Variants in MTMR2 observed in about 807,000 individuals in gnomAD.
MTMR2 encodes the protein phosphatidylinositol-3,5-bisphosphate 3-phosphatase MTMR2.
A neutral mutation model predicts 86.9 loss-of-function variants in MTMR2; 55 were observed. That is an observed-to-expected ratio of 0.63 (90% CI 0.51 to 0.79). The LOEUF (loss-of-function observed/expected upper bound fraction) is 0.79, where lower values mean the gene tolerates loss of function less well. Ranked by LOEUF, MTMR2 falls within the 30% of genes least tolerant of loss-of-function variation. The probability of loss-of-function intolerance (pLI) is 0.00; values close to 1 mark genes in which losing one functional copy is unlikely to be tolerated. For synonymous variants in MTMR2, 241 were observed against 266.8 expected, an observed-to-expected ratio of 0.90 and a Z score of 0.94; for missense variants, 659 against 772.3, an observed-to-expected ratio of 0.85 and a Z score of 1.74.
chr11:95,858,157 T>G (rs1258496374), intron 6 of MTMR2, among the ~76,000 whole-genome samples: 1 of 152,138 alleles, frequency 6.6e-6, no homozygotes, highest in Non-Finnish European at 1.5e-5. Flanking sequence ...AAGCACATAG[T>G]GGGAACTCAG....
chr11:95,869,700 T>A (rs1864778288), intron 2 of MTMR2, among the ~76,000 whole-genome samples: 1 of 152,174 alleles, frequency 6.6e-6, no homozygotes, highest in Non-Finnish European at 1.5e-5. Flanking sequence ...ATTAATGGAA[T>A]AATGTCTACC....
At position 95,834,137 on chromosome 11, in the gene MTMR2, C is replaced by T. The variant is rs981539037; in HGVS notation, c.*1153G>A. On this transcript the variant is annotated 3_prime_UTR_variant, in exon 15 of 15. Coordinates refer to ENST00000346299, the MANE Select transcript of MTMR2 (RefSeq NM_016156.6). ...TCTTTTAATTAAAAGACCAAGGGGA[C>T]AAGAAGCTCCTTTGTTACAGTACAT... 6.6e-6 allele frequency: 1 copy of T among 152,456 alleles called. No homozygotes were observed. Among genetic ancestry groups the T allele is most frequent in the Non-Finnish European group, 1.5e-5 (1 of 67,976 alleles). 9.4% of individuals were successfully genotyped at this position (152,456 alleles called of 1,614,324 possible). A position where few individuals can be genotyped will look rare whatever the true frequency, so the allele number is the denominator to read the frequency against.
chr11:95,889,237 G>A (rs920018786), intron 1 of MTMR2, among the ~76,000 whole-genome samples: 11 of 151,362 alleles, frequency 7.3e-5, no homozygotes, highest in African/African-American at 2.2e-4. Context: ...AGGTTCAAGC[G>A]ATTCTCCTGT....
At chr11:95,902,053 T>C (rs2135582483) in intron 1 of MTMR2, among the ~76,000 whole-genome samples, 2 of 152,274 alleles carry the variant, frequency 1.3e-5, no homozygotes, top group Non-Finnish European at 2.9e-5. Flanking sequence ...TATGATATTA[T>C]CTCATAGAAT....
At chr11:95,860,604 C>T (rs994788501) in intron 5 of MTMR2, among the ~76,000 whole-genome samples, 3 of 152,206 alleles carry the variant, frequency 2.0e-5, no homozygotes, top group African/African-American at 4.8e-5. Flanking sequence ...GAATTATACA[C>T]ATGCTGTTTC....
rs569006287 is a variant in MTMR2, at chr11:95,833,763, C to T, written c.*1527G>A. The T allele has an allele frequency of 2.0e-5, 3 of 152,166 alleles. No individual in the cohort carries two copies. Among genetic ancestry groups the T allele is most frequent in the African/African-American group, 7.2e-5 (3 of 41,526 alleles). 9.4% of individuals were successfully genotyped at this position (152,166 alleles called of 1,614,324 possible). The stretch of plus-strand genomic sequence containing the variant: ...GAGTAGAAAGCTTAATTTTTAATTA[C>T]TGATTTGCTAGCCACTTAAATGCCC... On this transcript the variant is annotated 3_prime_UTR_variant, in exon 15 of 15. Coordinates refer to ENST00000346299, the MANE Select transcript of MTMR2 (RefSeq NM_016156.6).
chr11:95,867,912 G>C (rs182551617), intron 2 of MTMR2, among the ~76,000 whole-genome samples: 25 of 151,814 alleles, frequency 1.6e-4, no homozygotes, highest in African/African-American at 6.0e-4. Context: ...ATAGGCATTT[G>C]TAAAAGCATG....
intron 2 of MTMR2, among the ~76,000 whole-genome samples, chr11:95,885,415 G>A (rs2135542535): frequency 6.6e-6 from 1 of 152,136 alleles, no homozygotes; most frequent in Middle Eastern, 3.4e-3. Flanking sequence ...CTAGAACTGA[G>A]GGAGGAAATA....
intron 2 of MTMR2, among the ~76,000 whole-genome samples, chr11:95,868,602 T>A (rs926925223): frequency 6.6e-6 from 1 of 150,794 alleles, no homozygotes; most frequent in African/African-American, 2.5e-5. Flanking sequence ...AAAAAAATAA[T>A]CAAGAGGAGC....
intron 2 of MTMR2, among the ~76,000 whole-genome samples, chr11:95,869,731 C>A (rs1321391117): frequency 1.3e-5 from 2 of 152,062 alleles, no homozygotes; most frequent in Non-Finnish European, 2.9e-5. Context: ...AAGGAGATGG[C>A]TTGAGAAATA....
rs188679019 is a variant in MTMR2, at chr11:95,843,460, C to T, written c.1386+1493G>A. Among the ~76,000 whole-genome samples the T allele has an allele frequency of 2.8e-3, 420 of 152,218 alleles. 3 individuals are homozygous for T. The highest frequency in any genetic ancestry group is 4.6e-3 in the Non-Finnish European group (310 of 67,984). ...AAATTCATTAACTTGATTTTGGATTCCATATAACAACTAACCTCTAAGAAA... is the reference window on the plus strand; with the variant it reads ...AAATTCATTAACTTGATTTTGGATTTCATATAACAACTAACCTCTAAGAAA... On this transcript the variant is annotated intron_variant, in intron 11 of 14. Transcript: ENST00000346299.
intron 12 of MTMR2, among the ~76,000 whole-genome samples, chr11:95,838,827 G>C (rs1027156931): frequency 4.6e-5 from 7 of 151,968 alleles, no homozygotes; most frequent in African/African-American, 1.7e-4. Flanking sequence ...CCCAAGCCAG[G>C]GGCTTGACTG....
At chr11:95,918,157 A>G (rs555294327) in intron 1 of MTMR2, among the ~76,000 whole-genome samples, 6 of 152,358 alleles carry the variant, frequency 3.9e-5, no homozygotes, top group Admixed American at 2.6e-4. Flanking sequence ...GTTTTAACTA[A>G]TGTTGATTGC....
rs923425383 is a variant in MTMR2, at chr11:95,833,248, C to G, written c.*2042G>C. On this transcript the variant is annotated 3_prime_UTR_variant, in exon 15 of 15. Coordinates refer to ENST00000346299, the MANE Select transcript of MTMR2 (RefSeq NM_016156.6). ...ACGTAAAAGTTGAGGTATGCAGAGA[C>G]TAGGTCGAAGGAGGCTAAGGAGCTT... 4.6e-5 allele frequency: 7 copies of G among 152,044 alleles called. No individual in the cohort carries two copies. Among genetic ancestry groups the G allele is most frequent in the African/African-American group, 2.4e-5 (1 of 41,416 alleles). 9.4% of individuals were successfully genotyped at this position (152,044 alleles called of 1,614,324 possible). A position where few individuals can be genotyped will look rare whatever the true frequency, so the allele number is the denominator to read the frequency against.
intron 12 of MTMR2, among the ~76,000 whole-genome samples, 186 bp downstream of exon 12, chr11:95,841,431 T>C (rs1863541383): frequency 6.6e-6 from 1 of 152,148 alleles, no homozygotes; most frequent in South Asian, 2.1e-4. Context: ...ACTAATAGAA[T>C]CAAATTTTCA....
chr11:95,888,898 GAACA>G (rs1290033044), intron 1 of MTMR2, among the ~76,000 whole-genome samples: 2 of 152,056 alleles, frequency 1.3e-5, no homozygotes, highest in Non-Finnish European at 1.5e-5. Context: ...GAAATTTCAA[GAACA>G]AACAAAAGGC....
At chr11:95,899,687 G>A (rs1259123129) in intron 1 of MTMR2, among the ~76,000 whole-genome samples, 3 of 151,548 alleles carry the variant, frequency 2.0e-5, no homozygotes, top group Admixed American at 6.6e-5. Flanking sequence ...AAATATGACT[G>A]GGAAAAGCTG....
chr11:95,900,281 G>T (rs75144569), intron 1 of MTMR2, among the ~76,000 whole-genome samples: 2,572 of 152,248 alleles, frequency 0.017, 32 homozygotes, highest in South Asian at 0.062. Context: ...AGAGGTTACA[G>T]CTAGGTGACA....
Position 95,834,328 on chromosome 11 carries a change from G to A in MTMR2, c.*962C>T, listed in dbSNP as rs368448944. 6.6e-6 allele frequency: 1 copy of A among 152,258 alleles called. No homozygotes were observed. The highest frequency in any genetic ancestry group is 1.5e-5 in the Non-Finnish European group (1 of 67,950). 9.4% of individuals were successfully genotyped at this position (152,258 alleles called of 1,614,324 possible). A position where few individuals can be genotyped will look rare whatever the true frequency, so the allele number is the denominator to read the frequency against. ...AGTGTGTTCTTTGGTAGACTTAATC[G>A]TTGAGTGAAATTACAGAATTTGCAA... On this transcript the variant is annotated 3_prime_UTR_variant, in exon 15 of 15. Transcript: ENST00000346299.
Sources: allele counts gnomAD v4.1 joint callset (sites outside exome capture counted in the v4.1 genomes callset), GRCh38; gene constraint gnomAD v4.1.1; transcripts MANE v1.5; gene names NCBI Gene and HGNC (gene_info 2026-07-23, HGNC 2026-07-21).